IQCM: variants seen among roughly 807,000 people sequenced by gnomAD.
The protein encoded by IQCM is IQ motif containing M, also known as IQ domain-containing protein M.
A neutral mutation model predicts 57.6 loss-of-function variants in IQCM; 45 were observed. The observed-to-expected ratio is 0.78, with a 90% CI of 0.62 to 1.00. The LOEUF is 1.00. IQCM is among the 50% of genes least tolerant of loss of function. The pLI, the probability that IQCM is intolerant of heterozygous loss-of-function variation, is 0.00. For synonymous variants in IQCM, 148 were observed against 158.9 expected, an observed-to-expected ratio of 0.93 and a Z score of 0.51; for missense variants, 468 against 511.6, an observed-to-expected ratio of 0.91 and a Z score of 0.82.
intron 2 of IQCM, among the ~76,000 whole-genome samples, chr4:149,743,386 G>A (rs976909152): frequency 6.6e-6 from 1 of 151,972 alleles, no homozygotes; most frequent in Non-Finnish European, 1.5e-5. Flanking sequence ...TGTTGTCCAT[G>A]CCTCTCCCTA....
At chr4:149,538,812 G>A in intron 12 of IQCM, among the ~76,000 whole-genome samples, 1 of 151,740 alleles carries the variant, frequency 6.6e-6, no homozygotes, top group East Asian at 1.9e-4. Context: ...AGAAACTGAT[G>A]AATTAGACTT....
intron 12 of IQCM, among the ~76,000 whole-genome samples, chr4:149,455,195 C>A (rs961218776): frequency 6.6e-6 from 1 of 151,992 alleles, no homozygotes; most frequent in South Asian, 2.1e-4. Flanking sequence ...GTTGCATTTG[C>A]CGCACTGGCA....
At chr4:149,726,117 A>AAGAGAG (rs1765896193) in intron 5 of IQCM, among the ~76,000 whole-genome samples, 1 of 149,534 alleles carries the variant, frequency 6.7e-6, no homozygotes, top group Non-Finnish European at 1.5e-5. Flanking sequence ...GAAAGAAAGA[A>AAGAGAG]AGAAAGAAAG....
chr4:149,794,797 T>C (rs1772966467), intron 2 of IQCM, among the ~76,000 whole-genome samples: 1 of 152,096 alleles, frequency 6.6e-6, no homozygotes, highest in Non-Finnish European at 1.5e-5. Flanking sequence ...ATTTAAAAGA[T>C]AGATATAGAT....
chr4:149,471,461 T>A (rs1021328726), intron 12 of IQCM, among the ~76,000 whole-genome samples: 1 of 152,108 alleles, frequency 6.6e-6, no homozygotes, highest in African/African-American at 2.4e-5. Flanking sequence ...GGTTCTGAAG[T>A]TGAGGCAATA....
intron 5 of IQCM, among the ~76,000 whole-genome samples, chr4:149,712,182 G>A (rs955433963): frequency 1.3e-5 from 2 of 152,126 alleles, no homozygotes; most frequent in African/African-American, 4.8e-5. Context: ...GGGAATGCCA[G>A]AACACACATG....
intron 12 of IQCM, among the ~76,000 whole-genome samples, chr4:149,544,324 G>T (rs1262774802): frequency 6.6e-6 from 1 of 152,012 alleles, no homozygotes; most frequent in East Asian, 1.9e-4. Flanking sequence ...TCGCATCAAA[G>T]AAAATACAAT....
At chr4:149,352,546 C>G (rs937578371) in intron 13 of IQCM, among the ~76,000 whole-genome samples, 1 of 152,086 alleles carries the variant, frequency 6.6e-6, no homozygotes, top group African/African-American at 2.4e-5. Context: ...GATGGGTATA[C>G]ATTATATGCA....
intron 12 of IQCM, among the ~76,000 whole-genome samples, chr4:149,498,667 T>G (rs2149788492): frequency 6.6e-6 from 1 of 152,186 alleles, no homozygotes; most frequent in Non-Finnish European, 1.5e-5. Flanking sequence ...AGAGAGTAAG[T>G]GATTGGAAGA....
chr4:149,781,764 G>A (rs1192213014), intron 2 of IQCM, among the ~76,000 whole-genome samples: 1 of 152,104 alleles, frequency 6.6e-6, no homozygotes, highest in African/African-American at 2.4e-5. Context: ...ATTATGAATT[G>A]ACAAAACTGT....
chr4:149,364,210 G>A (rs550562045), intron 13 of IQCM, among the ~76,000 whole-genome samples: 3 of 152,252 alleles, frequency 2.0e-5, no homozygotes, highest in East Asian at 3.9e-4. Flanking sequence ...AATAGAAAAA[G>A]AGAAATCTCA....
At chr4:149,357,371 G>A (rs1241792451) in intron 13 of IQCM, among the ~76,000 whole-genome samples, 4 of 152,174 alleles carry the variant, frequency 2.6e-5, no homozygotes, top group Non-Finnish European at 4.4e-5. Context: ...GTATGATATT[G>A]GCTGTGGGTT....
chr4:149,543,534 G>A (rs1748067496), intron 12 of IQCM, among the ~76,000 whole-genome samples: 1 of 141,520 alleles, frequency 7.1e-6, no homozygotes, highest in African/African-American at 2.6e-5. Context: ...CAAAGGACAT[G>A]AACTCATCAT....
intron 8 of IQCM, among the ~76,000 whole-genome samples, chr4:149,600,106 C>A (rs1040477029): frequency 9.2e-5 from 14 of 152,158 alleles, no homozygotes; most frequent in Middle Eastern, 3.4e-3. Flanking sequence ...CGAATTAAAT[C>A]CTTTTTACTT....
intron 2 of IQCM, among the ~76,000 whole-genome samples, chr4:149,783,684 T>C (rs1771819041): frequency 6.6e-6 from 1 of 152,194 alleles, no homozygotes; most frequent in African/African-American, 2.4e-5. Flanking sequence ...AAGACTAGTA[T>C]AATGTTATCT....
intron 12 of IQCM, among the ~76,000 whole-genome samples, chr4:149,453,554 A>G (rs1350067719): frequency 6.6e-6 from 1 of 151,896 alleles, no homozygotes; most frequent in Non-Finnish European, 1.5e-5. Flanking sequence ...GTTAATGGGC[A>G]AATTATTTGA....
Position 149,733,376 on chromosome 4 carries a change from T to C in IQCM, c.253A>G (p.Arg85Gly). ...DVVQEHRAALRRICFPKELSK... is the reference protein window; with the variant it reads ...DVVQEHRAALGRICFPKELSK... The stretch of plus-strand genomic sequence containing the variant: ...AGCTCCTTGGGAAAGCAAATCCTTC[T>C]GAGTGCGGCCCGATGTTCTTGCACC... Residue 85 changes from arginine to glycine, a missense_variant, in exon 5 of 14, where the codon AGA (arginine) becomes GGA (glycine). Physicochemically the swap from Arg to Gly is moderately radical, Grantham distance 125 (BLOSUM62 -2). Transcript: ENST00000636793. 8.1e-7 allele frequency: 1 copy of C among 1,231,876 alleles called. No homozygotes were observed. The highest frequency in any genetic ancestry group is 1.0e-6 in the Non-Finnish European group (1 of 987,780). The allele number at this position is 1,231,876 out of a possible 1,614,324, so 76.3% of individuals were successfully genotyped here. A position where few individuals can be genotyped will look rare whatever the true frequency, so the allele number is the denominator to read the frequency against.
intron 12 of IQCM, among the ~76,000 whole-genome samples, chr4:149,474,726 A>C (rs1739993788): frequency 6.6e-6 from 1 of 151,732 alleles, no homozygotes; most frequent in African/African-American, 2.4e-5. Context: ...AAAAATAAAT[A>C]AATAAATATA....
intron 2 of IQCM, among the ~76,000 whole-genome samples, chr4:149,750,533 T>C (rs1351961788): frequency 2.6e-5 from 4 of 152,130 alleles, no homozygotes; most frequent in African/African-American, 4.8e-5. Context: ...ATATCAGAAA[T>C]GATTTCAAAA....
Sources: allele counts gnomAD v4.1 joint callset (sites outside exome capture counted in the v4.1 genomes callset), GRCh38; gene constraint gnomAD v4.1.1; transcripts MANE v1.5; gene names NCBI Gene and HGNC (gene_info 2026-07-23, HGNC 2026-07-21).